The following ATL2 variants were observed in gnomAD, a reference collection of about 807,000 sequenced individuals.
The protein encoded by ATL2 is atlastin-2.
A neutral mutation model predicts 73.9 loss-of-function variants in ATL2; 31 were observed. The ratio of observed to expected loss-of-function variants is 0.42; its 90% CI spans 0.32 to 0.57. The LOEUF (loss-of-function observed/expected upper bound fraction) is 0.57. ATL2 is among the 20% of genes least tolerant of loss of function. The pLI, the probability that ATL2 is intolerant of heterozygous loss-of-function variation, is 0.14. For missense variants in ATL2, 738 were observed against 702.6 expected (o/e 1.05, Z -0.57); for synonymous variants, 291 against 237.5 (o/e 1.23, Z -2.07).
At chr2:38,296,343 G>A (rs1558378759) in intron 12 of ATL2, 1 of 1,455,898 alleles carries the variant, frequency 6.9e-7, no homozygotes, top group East Asian at 2.5e-5. Context: ...TGAGATGGAT[G>A]TGCAATTCCA....
chr2:38,370,491 G>A (rs185486762), intron 1 of ATL2, among the ~76,000 whole-genome samples: 1 of 131,426 alleles, frequency 7.6e-6, no homozygotes, highest in Admixed American at 8.6e-5. Context: ...AATCAACCCA[G>A]CCAGCACAGT....
At chr2:38,297,086 C>A (rs1666936517) in intron 12 of ATL2, among the ~76,000 whole-genome samples, 1 of 152,164 alleles carries the variant, frequency 6.6e-6, no homozygotes, top group Non-Finnish European at 1.5e-5. Flanking sequence ...AATATCCAAA[C>A]ATAAACTTCC....
At chr2:38,299,363 T>C (rs549117613) in intron 10 of ATL2, 36 bp from the exon 11 acceptor site, 3 of 1,512,894 alleles carry the variant, frequency 2.0e-6, no homozygotes, top group African/African-American at 2.9e-5. Context: ...ATGCAAAAAA[T>C]ACTCTATGAC....
At chr2:38,316,762 G>A (rs1668045821) in intron 4 of ATL2, among the ~76,000 whole-genome samples, 2 of 152,124 alleles carry the variant, frequency 1.3e-5, no homozygotes. Context: ...TTAAGTGGCT[G>A]TCTAAAACCA....
At chr2:38,311,584 T>TA (rs1282086099) in intron 7 of ATL2, among the ~76,000 whole-genome samples, 4 of 152,004 alleles carry the variant, frequency 2.6e-5, no homozygotes, top group South Asian at 2.1e-4. Flanking sequence ...TAATATTGGG[T>TA]AAAAAAAGCT....
rs186103382 is a variant in ATL2 at position 38,365,419 on chromosome 2, C to A, written c.118+11724G>T. Among the ~76,000 whole-genome samples the A allele has an allele frequency of 3.3e-4, 50 of 152,218 alleles. 1 individual carries two copies. The East Asian group carries it at 9.7e-3, about 29-fold the overall frequency. On this transcript the variant is annotated intron_variant, in intron 1 of 12. Coordinates refer to ENST00000378954, the MANE Select transcript of ATL2 (RefSeq NM_001135673.4). Reference sequence around the variant, plus strand: ...CCTGTAATCCCAGCACTTTGGGAGGCCGAGGCAGGCAGAACACCTGAGGTC... The same window carrying A: ...CCTGTAATCCCAGCACTTTGGGAGGACGAGGCAGGCAGAACACCTGAGGTC...
chr2:38,308,653 A>T (rs1667582272), intron 9 of ATL2, among the ~76,000 whole-genome samples: 1 of 152,100 alleles, frequency 6.6e-6, no homozygotes, highest in South Asian at 2.1e-4. Flanking sequence ...GGTGATGGAC[A>T]CCCTATTTAC....
intron 1 of ATL2, among the ~76,000 whole-genome samples, chr2:38,344,344 C>CA (rs1381436851): frequency 5.3e-5 from 8 of 152,132 alleles, no homozygotes; most frequent in African/African-American, 1.9e-4. Flanking sequence ...TGGCTGGGTG[C>CA]AGTGGGTGTA....
At chr2:38,349,605 T>A (rs1338864014) in intron 1 of ATL2, among the ~76,000 whole-genome samples, 1 of 151,276 alleles carries the variant, frequency 6.6e-6, no homozygotes, top group Non-Finnish European at 1.5e-5. Context: ...CACACCAGCA[T>A]GGCACATGTA....
At chr2:38,324,895 G>A (rs969142186) in intron 2 of ATL2, among the ~76,000 whole-genome samples, 1 of 152,218 alleles carries the variant, frequency 6.6e-6, no homozygotes, top group African/African-American at 2.4e-5. Context: ...GAAATGGGGA[G>A]TTAGTGTTTA....
At position 38,298,285 on chromosome 2, in the gene ATL2, TA is replaced by T; in HGVS notation, c.1490del (p.Leu497GlnfsTer4). The T allele has an allele frequency of 2.5e-6, 4 of 1,614,188 alleles. No individual in the cohort carries two copies. Among genetic ancestry groups the T allele is most frequent in the Non-Finnish European group, 3.4e-6 (4 of 1,180,010 alleles). ...IISGLTGFIG[L>X]NSIAVLCNLV... The stretch of plus-strand genomic sequence containing the variant: ...GGTTACACAAGACAGCTATAGAGTT[TA>T]GGCCAATGAAGCCAGTCAGTCCTGA... On this transcript the variant is annotated frameshift_variant, in exon 12 of 13. Transcript: ENST00000378954. LOFTEE classifies it high-confidence loss of function.
chr2:38,302,206 G>T (rs993101139), intron 9 of ATL2, among the ~76,000 whole-genome samples: 1 of 152,150 alleles, frequency 6.6e-6, no homozygotes, highest in African/African-American at 2.4e-5. Flanking sequence ...TACTCACTAT[G>T]GGCCTTGGGT....
At chr2:38,327,409 A>T (rs779030076) in intron 2 of ATL2, among the ~76,000 whole-genome samples, 2 of 152,098 alleles carry the variant, frequency 1.3e-5, no homozygotes, top group Non-Finnish European at 2.9e-5. Flanking sequence ...TGTACATTGC[A>T]AACTCCAGGC....
intron 1 of ATL2, among the ~76,000 whole-genome samples, chr2:38,373,221 T>G (rs190163333): frequency 6.6e-6 from 1 of 152,162 alleles, no homozygotes; most frequent in African/African-American, 2.4e-5. Context: ...TAAAGAAGCA[T>G]TGCCGCCACA....
chr2:38,298,578 G>T lies in ATL2; in HGVS notation c.1201-3C>A. ...TAAGGCTTGTCCCCTCCACATACCT[G>T]GACAGACAGAATTACAGTATTACAT... On this transcript the variant is annotated splice_region_variant and splice_polypyrimidine_tract_variant and intron_variant, in intron 11 of 12. Transcript: ENST00000378954. The T allele has an allele frequency of 6.2e-7, 1 of 1,608,678 alleles. No homozygotes were observed. The highest frequency in any genetic ancestry group is 8.5e-7 in the Non-Finnish European group (1 of 1,177,212).
intron 12 of ATL2, 80 bp from the exon 13 acceptor site, chr2:38,296,193 C>G: frequency 7.0e-7 from 1 of 1,435,944 alleles, no homozygotes; most frequent in Non-Finnish European, 9.2e-7. Flanking sequence ...TATAAAAATT[C>G]AATTCAAAGC....
chr2:38,353,514 G>A (rs192994031), intron 1 of ATL2, among the ~76,000 whole-genome samples: 161 of 152,254 alleles, frequency 1.1e-3, no homozygotes, highest in South Asian at 3.3e-3. Flanking sequence ...TGAGGCTGGA[G>A]CTGAAAAAAT....
At chr2:38,358,913 T>G (rs1670844514) in intron 1 of ATL2, among the ~76,000 whole-genome samples, 1 of 152,080 alleles carries the variant, frequency 6.6e-6, no homozygotes, top group Admixed American at 6.6e-5. Flanking sequence ...AAATTTTTTT[T>G]GAAGGAAAAA....
chr2:38,337,341 C>T (rs1314134589), intron 2 of ATL2, among the ~76,000 whole-genome samples: 10 of 151,092 alleles, frequency 6.6e-5, no homozygotes, highest in African/African-American at 2.4e-4. Context: ...CAAAAATTAG[C>T]CAGGTGTCGT....
Sources: allele counts gnomAD v4.1 joint callset (sites outside exome capture counted in the v4.1 genomes callset), GRCh38; gene constraint gnomAD v4.1.1; transcripts MANE v1.5; gene names NCBI Gene and HGNC (gene_info 2026-07-23, HGNC 2026-07-21).